The following LHCGR variants were observed in gnomAD, a reference collection of about 807,000 sequenced individuals.
LHCGR encodes the protein lutropin-choriogonadotropic hormone receptor.
Under a neutral mutation model 60.7 loss-of-function variants are expected in LHCGR, and 55 were observed. The ratio of observed to expected loss-of-function variants is 0.91; its 90% CI spans 0.73 to 1.13. LHCGR has a LOEUF of 1.13. Ranked by LOEUF, LHCGR falls within the 50% of genes most tolerant of loss-of-function variation. LHCGR has a pLI of 0.00. For synonymous variants in LHCGR, 337 were observed against 316.5 expected (o/e 1.06, Z -0.69); for missense variants, 862 against 836.0 (o/e 1.03, Z -0.38).
chr2:48,718,690 A>G (rs900061669), intron 6 of LHCGR, among the ~76,000 whole-genome samples: 1 of 152,230 alleles, frequency 6.6e-6, no homozygotes, highest in African/African-American at 2.4e-5. Context: ...TTTCTTCCCT[A>G]TGTGGAACTT....
At chr2:48,725,837 T>C (rs548080906) in intron 3 of LHCGR, 87 bp from the exon 4 acceptor site, 2 of 1,049,730 alleles carry the variant, frequency 1.9e-6, no homozygotes, top group South Asian at 1.3e-5. Context: ...CAGAAGTTGC[T>C]GGCTGAAAAT....
chr2:48,755,263 C>T (rs1472709299), intron 1 of LHCGR, among the ~76,000 whole-genome samples: 1 of 152,058 alleles, frequency 6.6e-6, no homozygotes, highest in Non-Finnish European at 1.5e-5. Context: ...AATAGTTCTA[C>T]TCCCCCGGCC....
chr2:48,728,477 G>A (rs973075327), intron 3 of LHCGR, among the ~76,000 whole-genome samples: 24 of 152,300 alleles, frequency 1.6e-4, no homozygotes, highest in African/African-American at 5.8e-4. Context: ...GGGGCCTGGT[G>A]TAGAAGTCAC....
chr2:48,752,995 G>C (rs1402975122), intron 1 of LHCGR, among the ~76,000 whole-genome samples: 2 of 95,372 alleles, frequency 2.1e-5, no homozygotes, highest in Non-Finnish European at 4.2e-5. Context: ...GGGGGGGGGG[G>C]GTGGGGAAGG....
At chr2:48,691,023 C>G (rs1680205972) in intron 10 of LHCGR, among the ~76,000 whole-genome samples, 1 of 152,178 alleles carries the variant, frequency 6.6e-6, no homozygotes, top group South Asian at 2.1e-4. Context: ...TGCATGTAGG[C>G]TCAACAAACA....
chr2:48,698,864 C>T (rs1246354636), intron 8 of LHCGR, 64 bp from the exon 9 acceptor site: 6 of 1,358,102 alleles, frequency 4.4e-6, no homozygotes, highest in Non-Finnish European at 5.1e-6. Flanking sequence ...TTTTTTGAGA[C>T]GGAGTCTTGC....
rs1181883562 is a variant in LHCGR at position 48,688,480 on chromosome 2, G to T, written c.1317C>A (p.Cys439Ter). The T allele has an allele frequency of 6.2e-7, 1 of 1,614,190 alleles. No individual in the cohort carries two copies. The highest frequency in any genetic ancestry group is 1.3e-5 in the African/African-American group (1 of 75,046). Residue 439 changes from cysteine to a stop codon, truncating the protein, a stop_gained, in exon 11 of 11, where the codon TGC becomes TGA. Coordinates refer to ENST00000294954, the MANE Select transcript of LHCGR (RefSeq NM_000233.4). LOFTEE classifies it high-confidence loss of function. The surrounding 1 kb of genome is among the most constrained non-coding windows in gnomAD (Gnocchi z 5.2). ...ATACAGTGAAAAAGCCAGCAGTGCT[G>T]CACCCACTCCCTGTCTGCCAGTCTA... ...HAIDWQTGSG[C>*]STAGFFTVFA...
intron 1 of LHCGR, among the ~76,000 whole-genome samples, chr2:48,754,474 C>T (rs1670116831): frequency 6.6e-6 from 1 of 151,794 alleles, no homozygotes; most frequent in Non-Finnish European, 1.5e-5. Context: ...TTCCTTTTCT[C>T]TTTTCACAGC....
At chr2:48,701,848 G>T (rs1331623364) in intron 8 of LHCGR, among the ~76,000 whole-genome samples, 3 of 152,120 alleles carry the variant, frequency 2.0e-5, no homozygotes, top group Non-Finnish European at 4.4e-5. Context: ...AATGAACTGG[G>T]TTACCCTGCT....
At chr2:48,727,658 A>G (rs1300425709) in intron 3 of LHCGR, among the ~76,000 whole-genome samples, 1 of 152,182 alleles carries the variant, frequency 6.6e-6, no homozygotes, top group Non-Finnish European at 1.5e-5. Context: ...AATGAGCCCA[A>G]TGTGTGATTC....
At chr2:48,752,615 C>T (rs1210384391) in intron 1 of LHCGR, among the ~76,000 whole-genome samples, 2 of 151,782 alleles carry the variant, frequency 1.3e-5, no homozygotes, top group East Asian at 3.9e-4. Context: ...ATGCATTCAT[C>T]ATCAAGAAAA....
intron 8 of LHCGR, among the ~76,000 whole-genome samples, chr2:48,704,852 A>G (rs1303137208): frequency 1.3e-5 from 2 of 152,084 alleles, no homozygotes; most frequent in Admixed American, 6.5e-5. Context: ...TCCTGGATTC[A>G]TTGATTTTTT....
chr2:48,732,470 G>A (rs986681030), intron 1 of LHCGR, among the ~76,000 whole-genome samples: 1 of 152,224 alleles, frequency 6.6e-6, no homozygotes, highest in Non-Finnish European at 1.5e-5. Context: ...TACTATGTGA[G>A]TTATACACAC....
intron 2 of LHCGR, 46 bp downstream of exon 2, chr2:48,731,181 A>G (rs1668968612): frequency 7.6e-7 from 1 of 1,318,830 alleles, no homozygotes; most frequent in Admixed American, 1.7e-5. Context: ...GAAAAAATTC[A>G]TTATTCCAAT....
chr2:48,708,813 C>T (rs1572843746), intron 8 of LHCGR, 135 bp downstream of exon 8: 2 of 786,768 alleles, frequency 2.5e-6, no homozygotes, highest in African/African-American at 1.7e-5. Flanking sequence ...TACACTTTGT[C>T]TTTCCAACAG....
chr2:48,749,018 G>C (rs1669832801), intron 1 of LHCGR, among the ~76,000 whole-genome samples: 1 of 152,228 alleles, frequency 6.6e-6, no homozygotes, highest in Non-Finnish European at 1.5e-5. Flanking sequence ...CTCATGAGGT[G>C]CAATTAGGAA....
At chr2:48,753,169 C>T (rs964049223) in intron 1 of LHCGR, among the ~76,000 whole-genome samples, 5 of 152,126 alleles carry the variant, frequency 3.3e-5, no homozygotes, top group African/African-American at 7.2e-5. Flanking sequence ...GTTTCTGATT[C>T]AGTAGGTTGG....
At chr2:48,702,057 T>C (rs1316420537) in intron 8 of LHCGR, among the ~76,000 whole-genome samples, 2 of 151,234 alleles carry the variant, frequency 1.3e-5, no homozygotes, top group Non-Finnish European at 1.5e-5. Flanking sequence ...TAACATCTGC[T>C]AGAGTAGGGT....
chr2:48,742,626 G>T (rs974309618), intron 1 of LHCGR, among the ~76,000 whole-genome samples: 2 of 151,336 alleles, frequency 1.3e-5, no homozygotes, highest in African/African-American at 4.9e-5. Flanking sequence ...CAGAAATAAA[G>T]ATGTTCTTTG....
Sources: allele counts gnomAD v4.1 joint callset (sites outside exome capture counted in the v4.1 genomes callset), GRCh38; gene constraint gnomAD v4.1.1; non-coding constraint Gnocchi (gnomAD v3.1); transcripts MANE v1.5; gene names NCBI Gene and HGNC (gene_info 2026-07-23, HGNC 2026-07-21).